PCDHA8: variants seen among roughly 807,000 people sequenced by gnomAD.
The protein encoded by PCDHA8 is protocadherin alpha 8.
In PCDHA8, 53 loss-of-function variants were observed where a neutral mutation model predicts 61.8. The observed-to-expected ratio is 0.86, with a 90% CI of 0.69 to 1.08. The LOEUF (loss-of-function observed/expected upper bound fraction) is 1.08, where lower values mean the gene tolerates loss of function less well. Ranked by LOEUF, PCDHA8 falls within the 50% of genes least tolerant of loss-of-function variation. The probability of loss-of-function intolerance (pLI) is 0.00; values close to 1 mark genes in which losing one functional copy is unlikely to be tolerated. For synonymous variants in PCDHA8, 618 were observed against 556.6 expected (o/e 1.11, Z -1.55); for missense variants, 1,293 against 1,245.0 (o/e 1.04, Z -0.58).
chr5:140,911,941 T>C (rs1554195035), intron 1 of PCDHA8, among the ~76,000 whole-genome samples: 1 of 152,132 alleles, frequency 6.6e-6, no homozygotes, highest in Non-Finnish European at 1.5e-5. Flanking sequence ...TAGATGTATA[T>C]ATAAAGGGGA....
chr5:140,902,290 A>G (rs1252691615), intron 1 of PCDHA8, among the ~76,000 whole-genome samples: 1 of 146,394 alleles, frequency 6.8e-6, no homozygotes, highest in Non-Finnish European at 1.5e-5. Context: ...CTCCTGCCTC[A>G]GCCTCCCAAA....
chr5:140,920,692 A>G (rs552577858), intron 1 of PCDHA8, among the ~76,000 whole-genome samples: 2 of 152,232 alleles, frequency 1.3e-5, no homozygotes, highest in Non-Finnish European at 2.9e-5. Flanking sequence ...AAAAATACAA[A>G]CATTAGCTTG....
At chr5:140,848,385 C>G (rs2150409736) in intron 1 of PCDHA8, 28 of 1,211,136 alleles carry the variant, frequency 2.3e-5, no homozygotes, top group Non-Finnish European at 2.9e-5. Flanking sequence ...CTTTTTCACT[C>G]TCTCTGTGCT....
At chr5:140,966,267 G>T (rs141363782) in intron 1 of PCDHA8, 112 of 351,092 alleles carry the variant, frequency 3.2e-4, no homozygotes, top group Non-Finnish European at 4.7e-4. Context: ...GAGACTGGAT[G>T]AACTGGACAG....
intron 1 of PCDHA8, among the ~76,000 whole-genome samples, chr5:140,950,542 A>G (rs1332265340): frequency 1.3e-5 from 2 of 152,014 alleles, no homozygotes; most frequent in Non-Finnish European, 2.9e-5. Flanking sequence ...TTGCTCTTGC[A>G]TGGCTGGGGG....
rs2150361079 is a variant in PCDHA8, at chr5:140,843,485, C to G, written c.2164C>G (p.Arg722Gly). The change falls in exon 1 of 4, where the codon CGG becomes GGG. Residue 722 changes from arginine to glycine, a missense_variant. By Grantham distance (125) the Arg-to-Gly change is moderately radical. Transcript: ENST00000531613. ...VLTLLLYTAL[R>G]CSALPTEGGC... The stretch of plus-strand genomic sequence containing the variant: ...CACGCTGCTGCTGTACACTGCGCTG[C>G]GGTGCTCAGCACTGCCCACTGAGGG... The G allele has an allele frequency of 5.6e-6, 9 of 1,595,872 alleles. No homozygotes were observed. The African/African-American group carries it at 1.1e-4, about 19-fold the overall frequency.
intron 3 of PCDHA8, among the ~76,000 whole-genome samples, chr5:141,005,561 G>T (rs1554260149): frequency 6.6e-6 from 1 of 151,354 alleles, no homozygotes. Flanking sequence ...AATTAGCCGG[G>T]CATGGTGGCG....
At chr5:140,880,420 A>C (rs1554171279) in intron 1 of PCDHA8, among the ~76,000 whole-genome samples, 2 of 152,230 alleles carry the variant, frequency 1.3e-5, no homozygotes, top group Non-Finnish European at 2.9e-5. Context: ...TAAAAGCGGG[A>C]ACAGTTTTTC....
chr5:140,841,711 GC>G lies in PCDHA8; in HGVS notation c.392del (p.Pro131GlnfsTer5), dbSNP rs2150321418. On this transcript the variant is annotated frameshift_variant, in exon 1 of 4. Coordinates refer to ENST00000531613, the MANE Select transcript of PCDHA8 (RefSeq NM_018911.3). LOFTEE classifies it high-confidence loss of function. ...AGGTGAAGGATGTTAATGACAACCC[GC>G]CAGTGTTCCGGGTAAAAGACCAAAA... The part of the protein sequence containing the change: ...VEVKDVNDNP[P>X]VFRVKDQKLF... The G allele has an allele frequency of 1.9e-6, 3 of 1,613,890 alleles. No homozygotes were observed. Among genetic ancestry groups the G allele is most frequent in the Non-Finnish European group, 1.7e-6 (2 of 1,179,872 alleles).
intron 1 of PCDHA8, chr5:140,850,180 C>G: frequency 6.3e-7 from 1 of 1,593,798 alleles, no homozygotes; most frequent in African/African-American, 1.3e-5. Flanking sequence ...AACGACAATG[C>G]GCCGGCGCTG....
intron 1 of PCDHA8, among the ~76,000 whole-genome samples, chr5:140,886,270 T>A (rs957205805): frequency 2.0e-5 from 3 of 151,996 alleles, no homozygotes; most frequent in Admixed American, 6.5e-5. Flanking sequence ...ATAGATAAAA[T>A]TTTTTAAAAT....
chr5:141,002,873 G>C (rs780574639), intron 3 of PCDHA8, among the ~76,000 whole-genome samples: 44 of 152,148 alleles, frequency 2.9e-4, no homozygotes, highest in Admixed American at 2.6e-4. Context: ...AAGTCCTCAA[G>C]AACAGAAAGA....
intron 3 of PCDHA8, among the ~76,000 whole-genome samples, chr5:141,005,571 G>A (rs1053042213): frequency 4.0e-5 from 6 of 151,334 alleles, no homozygotes; most frequent in African/African-American, 4.9e-5. Context: ...GCATGGTGGC[G>A]CGTGCCTGTA....
At chr5:141,002,485 C>T (rs1287282223) in intron 3 of PCDHA8, among the ~76,000 whole-genome samples, 2 of 152,154 alleles carry the variant, frequency 1.3e-5, no homozygotes, top group Non-Finnish European at 2.9e-5. Flanking sequence ...AAAGGATGAC[C>T]TTGTTATACA....
rs1368766918 is a variant in PCDHA8 at position 141,010,867 on chromosome 5, A to G, written c.*930A>G. 4.6e-5 allele frequency: 7 copies of G among 153,798 alleles called. No homozygotes were observed. The highest frequency in any genetic ancestry group is 3.3e-4 in the Admixed American group (5 of 15,292). 9.5% of individuals were successfully genotyped at this position (153,798 alleles called of 1,614,324 possible). A position where few individuals can be genotyped will look rare whatever the true frequency, so the allele number is the denominator to read the frequency against. On this transcript the variant is annotated 3_prime_UTR_variant, in exon 4 of 4. Coordinates refer to ENST00000531613, the MANE Select transcript of PCDHA8 (RefSeq NM_018911.3). Reference sequence around the variant, plus strand: ...TTAAAAAAAGAGAAAGTCTATAGCTATAAATCTTTAAAGAGAAATATGAAT... The same window carrying G: ...TTAAAAAAAGAGAAAGTCTATAGCTGTAAATCTTTAAAGAGAAATATGAAT...
intron 1 of PCDHA8, among the ~76,000 whole-genome samples, chr5:140,964,650 TG>T (rs1554227136): frequency 6.6e-6 from 1 of 151,800 alleles, no homozygotes; most frequent in Non-Finnish European, 1.5e-5. Flanking sequence ...AAACAAGTAA[TG>T]GGTGAGGACA....
chr5:140,960,740 C>T (rs949372581), intron 1 of PCDHA8, among the ~76,000 whole-genome samples: 1 of 151,868 alleles, frequency 6.6e-6, no homozygotes, highest in South Asian at 2.1e-4. Flanking sequence ...GATTTTAGTC[C>T]ATGGCTAAAA....
intron 2 of PCDHA8, among the ~76,000 whole-genome samples, chr5:140,980,943 T>C (rs573281233): frequency 1.6e-4 from 25 of 152,172 alleles, no homozygotes; most frequent in Non-Finnish European, 3.1e-4. Context: ...CTGAGCTGGC[T>C]CCAGGATAGT....
At chr5:141,006,996 G>T (rs1206587874) in intron 3 of PCDHA8, among the ~76,000 whole-genome samples, 2 of 152,136 alleles carry the variant, frequency 1.3e-5, no homozygotes, top group African/African-American at 4.8e-5. Flanking sequence ...TAAAATATAA[G>T]TCTGCATCTC....
Sources: gnomAD v4.1 joint callset for allele counts (sites outside exome capture counted in the v4.1 genomes callset) on GRCh38, gnomAD v4.1.1 for gene constraint, MANE v1.5 for transcripts, NCBI Gene and HGNC (gene_info 2026-07-23, HGNC 2026-07-21) for gene names.